SNTG1: variants seen among roughly 807,000 people sequenced by gnomAD.
SNTG1 encodes the protein gamma-1-syntrophin.
SNTG1 carries 39 observed loss-of-function variants against 74.7 expected under a neutral mutation model. That is an observed-to-expected ratio of 0.52 (90% CI 0.40 to 0.68). The LOEUF is 0.68. SNTG1 is among the 30% of genes least tolerant of loss of function. The pLI is 0.00. For synonymous variants in SNTG1, 254 were observed against 217.1 expected, an observed-to-expected ratio of 1.17 and a Z score of -1.49; for missense variants, 685 against 609.5, an observed-to-expected ratio of 1.12 and a Z score of -1.30.
rs180905432 is a variant in SNTG1 at position 50,707,777 on chromosome 8, C to T, written c.1192-1109C>T. 352 of 286,068 alleles carry T rather than the reference C, an allele frequency of 1.2e-3. 3 individuals carry two copies. The highest frequency in any genetic ancestry group is 5.1e-3 in the Middle Eastern group (5 of 976). The allele number at this position is 286,068 out of a possible 1,614,324, so 17.7% of individuals were successfully genotyped here. On this transcript the variant is annotated intron_variant, in intron 16 of 18. Coordinates refer to ENST00000642720, the MANE Select transcript of SNTG1 (RefSeq NM_018967.5). ...TTTTCATGATTGGAATATCCCACTACGATTTAAAATTAAATGCAAATAAAA... is the reference window on the plus strand; with the variant it reads ...TTTTCATGATTGGAATATCCCACTATGATTTAAAATTAAATGCAAATAAAA...
chr8:50,289,855 TC>T (rs1197664229), intron 2 of SNTG1, among the ~76,000 whole-genome samples: 2 of 152,138 alleles, frequency 1.3e-5, no homozygotes, highest in Non-Finnish European at 2.9e-5. Context: ...TCCTCCACCT[TC>T]CTTTGGGATG....
intron 1 of SNTG1, among the ~76,000 whole-genome samples, chr8:50,150,334 T>C (rs2082022659): frequency 6.6e-6 from 1 of 152,220 alleles, no homozygotes; most frequent in Non-Finnish European, 1.5e-5. Flanking sequence ...TCATGTCATC[T>C]GCAAACAGGG....
chr8:50,365,458 C>T (rs1362725786), intron 2 of SNTG1, among the ~76,000 whole-genome samples: 7 of 151,930 alleles, frequency 4.6e-5, no homozygotes. Flanking sequence ...TATACATTGA[C>T]TATATGTATT....
At position 50,659,266 on chromosome 8, in the gene SNTG1, G is replaced by GT. The variant is rs567164285; in HGVS notation, c.1038+609dup. Among the ~76,000 whole-genome samples, 6 of 152,040 alleles carry GT rather than the reference G, an allele frequency of 3.9e-5. No individual in the cohort carries two copies. The South Asian group carries it at 8.3e-4, about 21-fold the overall frequency. On this transcript the variant is annotated intron_variant, in intron 15 of 18. Coordinates refer to ENST00000642720, the MANE Select transcript of SNTG1 (RefSeq NM_018967.5). ...TAAAATGTCACATGGTTTCTATAGC[G>GT]TTTTTTAAAGAATTAAAATTGGAAT...
chr8:50,518,589 C>A (rs2094153373), intron 9 of SNTG1, among the ~76,000 whole-genome samples: 1 of 151,982 alleles, frequency 6.6e-6, no homozygotes, highest in Non-Finnish European at 1.5e-5. Flanking sequence ...AGAGAAGAAT[C>A]AAATAGACAC....
At position 50,106,222 on chromosome 8, in the gene SNTG1, A is replaced by G. The variant is rs149078513; in HGVS notation, c.-102-66339A>G. The stretch of plus-strand genomic sequence containing the variant: ...TCATGGTGGAAGGAGAAGGGGAAGT[A>G]AGAATCTTCTTCACATAGAGGGAGG... On this transcript the variant is annotated intron_variant, in intron 1 of 18. Coordinates refer to ENST00000642720, the MANE Select transcript of SNTG1 (RefSeq NM_018967.5). 4.4e-3 allele frequency among the ~76,000 whole-genome samples: 668 copies of G among 152,216 alleles called. 5 individuals carry two copies. The highest frequency in any genetic ancestry group is 0.015 in the African/African-American group (644 of 41,560).
chr8:50,203,360 G>C (rs1209148138), intron 2 of SNTG1, among the ~76,000 whole-genome samples: 2 of 152,046 alleles, frequency 1.3e-5, no homozygotes, highest in Non-Finnish European at 2.9e-5. Context: ...AATCTCAGCT[G>C]TTTCTCTGTG....
intron 13 of SNTG1, among the ~76,000 whole-genome samples, chr8:50,592,348 C>T (rs968991379): frequency 2.0e-5 from 3 of 152,104 alleles, no homozygotes; most frequent in Non-Finnish European, 2.9e-5. Context: ...AGAGCTGTGT[C>T]GTCACCCTCT....
At chr8:49,985,330 C>T (rs542120971) in intron 1 of SNTG1, among the ~76,000 whole-genome samples, 1 of 152,010 alleles carries the variant, frequency 6.6e-6, no homozygotes, top group Non-Finnish European at 1.5e-5. Context: ...GGAGTTTCAC[C>T]GTGTTGGCTA....
chr8:50,323,832 G>A (rs2090625585), intron 2 of SNTG1, among the ~76,000 whole-genome samples: 1 of 133,704 alleles, frequency 7.5e-6, no homozygotes, highest in South Asian at 2.6e-4. Flanking sequence ...ATGCTATCTG[G>A]GAGCCAGGGA....
intron 5 of SNTG1, among the ~76,000 whole-genome samples, chr8:50,439,322 CTT>C (rs2093336519): frequency 6.6e-6 from 1 of 152,030 alleles, no homozygotes; most frequent in Non-Finnish European, 1.5e-5. Context: ...TGAAGTTTAA[CTT>C]TATAATTATT....
intron 17 of SNTG1, among the ~76,000 whole-genome samples, chr8:50,718,291 A>G: frequency 6.6e-6 from 1 of 152,220 alleles, no homozygotes; most frequent in East Asian, 1.9e-4. Context: ...TGGGAAGGGC[A>G]CACAAAAGTA....
At chr8:50,406,716 G>A (rs2092880473) in intron 4 of SNTG1, among the ~76,000 whole-genome samples, 1 of 152,128 alleles carries the variant, frequency 6.6e-6, no homozygotes, top group African/African-American at 2.4e-5. Flanking sequence ...TTCCTAGGTG[G>A]CTGAGTATTG....
chr8:50,492,524 C>T (rs1172449788), intron 8 of SNTG1, among the ~76,000 whole-genome samples: 1 of 152,148 alleles, frequency 6.6e-6, no homozygotes, highest in Non-Finnish European at 1.5e-5. Flanking sequence ...TGTTTGTTGG[C>T]CACATAAATG....
At chr8:50,567,521 CATATGTATATGAG>C (rs2094522859) in intron 12 of SNTG1, among the ~76,000 whole-genome samples, 1 of 151,824 alleles carries the variant, frequency 6.6e-6, no homozygotes, top group Non-Finnish European at 1.5e-5. Context: ...TATACATACA[CATATGTATATGAG>C]ATATTATTCT....
intron 13 of SNTG1, among the ~76,000 whole-genome samples, chr8:50,644,958 G>A (rs2095098333): frequency 7.0e-6 from 1 of 141,886 alleles, no homozygotes; most frequent in South Asian, 2.3e-4. Flanking sequence ...GGTCCGCTAT[G>A]TTGCCGAGGC....
At chr8:49,994,329 C>A (rs1465511580) in intron 1 of SNTG1, among the ~76,000 whole-genome samples, 1 of 147,698 alleles carries the variant, frequency 6.8e-6, no homozygotes, top group African/African-American at 2.5e-5. Context: ...AATCTCGGCT[C>A]ACTGCAACCT....
intron 1 of SNTG1, among the ~76,000 whole-genome samples, chr8:50,033,184 C>A (rs1306296198): frequency 6.6e-6 from 1 of 150,994 alleles, no homozygotes; most frequent in Non-Finnish European, 1.5e-5. Context: ...GGTGCAATGG[C>A]ACTATGTCAG....
intron 12 of SNTG1, among the ~76,000 whole-genome samples, chr8:50,578,275 G>A (rs2094588098): frequency 1.3e-5 from 2 of 152,268 alleles, no homozygotes; most frequent in Middle Eastern, 6.8e-3. Flanking sequence ...TTGATTATGT[G>A]GTACATGGGC....
Sources: allele counts gnomAD v4.1 joint callset (sites outside exome capture counted in the v4.1 genomes callset), GRCh38; gene constraint gnomAD v4.1.1; transcripts MANE v1.5; gene names NCBI Gene and HGNC (gene_info 2026-07-23, HGNC 2026-07-21).